The following LCN8 variants were observed in gnomAD, a reference collection of about 807,000 sequenced individuals.
LCN8 encodes the protein lipocalin 8, also known as epididymal-specific lipocalin-8.
In LCN8, 16 loss-of-function variants were observed where a neutral mutation model predicts 22.8. The ratio of observed to expected loss-of-function variants is 0.70; its 90% CI spans 0.47 to 1.06. The LOEUF is 1.06. LCN8 is among the 50% of genes least tolerant of loss of function. The pLI, the probability that LCN8 is intolerant of heterozygous loss-of-function variation, is 0.00. For missense variants in LCN8, 189 were observed against 203.3 expected (o/e 0.93, Z 0.43); for synonymous variants, 92 against 83.4 (o/e 1.10, Z -0.56).
At chr9:136,754,809 G>A in intron 6 of LCN8, 1 of 1,376,020 alleles carries the variant, frequency 7.3e-7, no homozygotes, top group Non-Finnish European at 9.4e-7. Context: ...GAAGCAGCCG[G>A]CAGTCCTGCA....
intron 2 of LCN8, 50 bp from the exon 3 acceptor site, chr9:136,756,642 C>A (rs753883359): frequency 6.2e-7 from 1 of 1,601,122 alleles, no homozygotes; most frequent in South Asian, 1.1e-5. Context: ...TGTGTCCCGC[C>A]TGCTGGGCTC....
Position 136,755,250 on chromosome 9 carries a change from G to T in LCN8, c.415C>A (p.Arg139=). The T allele has an allele frequency of 6.2e-7, 1 of 1,612,624 alleles. No individual in the cohort carries two copies. The highest frequency in any genetic ancestry group is 8.5e-7 in the Non-Finnish European group (1 of 1,179,930). Residue 139 remains arginine (R), a synonymous_variant, in exon 5 of 7, where the codon CGG becomes AGG. Transcript: ENST00000371688. ...TADTGLYLAA[R]PGRCAELLKE... ...CCAAGGCCCCTGGGCTCACCAGGCC[G>T]GGCCGCCAGGTAGAGACCAGTGTCT...
At chr9:136,756,191 G>T (rs1272795671) in intron 3 of LCN8, 8 of 1,312,104 alleles carry the variant, frequency 6.1e-6, no homozygotes, top group African/African-American at 1.6e-5. Flanking sequence ...GAACAGCATG[G>T]GGAACAGCGC....
chr9:136,754,834 A>T, intron 6 of LCN8: 1 of 1,346,492 alleles, frequency 7.4e-7, no homozygotes, highest in South Asian at 2.1e-5. Flanking sequence ...ACACCGAAGA[A>T]AAGGCGCCAT....
Position 136,758,179 on chromosome 9 carries a change from G to T in LCN8, c.-249C>A, listed in dbSNP as rs1847254983. 3.5e-6 allele frequency: 5 copies of T among 1,419,292 alleles called. No individual in the cohort carries two copies. The highest frequency in any genetic ancestry group is 3.7e-6 in the Non-Finnish European group (4 of 1,087,024). 87.9% of individuals were successfully genotyped at this position (1,419,292 alleles called of 1,614,324 possible). Reference sequence around the variant, plus strand: ...GGTGACACCCACGCCCACCGCAGGGGTTAGCCTGGCCTAGACAGCAGCCTG... The same window carrying T: ...GGTGACACCCACGCCCACCGCAGGGTTTAGCCTGGCCTAGACAGCAGCCTG... On this transcript the variant is annotated 5_prime_UTR_variant, in exon 1 of 7. Coordinates refer to ENST00000371688, the MANE Select transcript of LCN8 (RefSeq NM_178469.4).
intron 1 of LCN8, chr9:136,757,694 C>T (rs1421135542): frequency 5.1e-6 from 5 of 985,320 alleles, no homozygotes; most frequent in African/African-American, 1.7e-5. Context: ...AAAGAATCTT[C>T]GTCTCCGGCA....
chr9:136,754,600 C>T (rs1847139255), intron 6 of LCN8, 91 bp from the exon 7 acceptor site: 1 of 1,501,164 alleles, frequency 6.7e-7, no homozygotes, highest in African/African-American at 1.4e-5. Flanking sequence ...GACTTCTGTC[C>T]TCGCTGCCTG....
At chr9:136,756,941 C>G (rs1847221676) in intron 2 of LCN8, 97 bp downstream of exon 2, 2 of 1,421,524 alleles carry the variant, frequency 1.4e-6, no homozygotes, top group Non-Finnish European at 1.9e-6. Flanking sequence ...CGGGACGGCA[C>G]TCAGCCCAGA....
chr9:136,756,949 A>T, intron 2 of LCN8, 89 bp downstream of exon 2: 2 of 1,469,550 alleles, frequency 1.4e-6, no homozygotes, highest in Non-Finnish European at 1.9e-6. Context: ...CACTCAGCCC[A>T]GACCCCACGC....
In LCN8 at chr9:136,757,960, C is replaced by T. The variant is rs540565649; in HGVS notation, c.-30G>A. The T allele has an allele frequency of 9.3e-6, 15 of 1,612,540 alleles. No individual in the cohort carries two copies. The highest frequency in any genetic ancestry group is 8.3e-5 in the Admixed American group (5 of 60,002). The stretch of plus-strand genomic sequence containing the variant: ...GCTGCCACCTGCGCCCGGAGCACCA[C>T]GAGGACACCCAGGATGGTGCACGGC... On this transcript the variant is annotated 5_prime_UTR_variant, in exon 1 of 7. In the 5' UTR this introduces an upstream ATG that the reference lacks. Coordinates refer to ENST00000371688, the MANE Select transcript of LCN8 (RefSeq NM_178469.4).
At chr9:136,757,528 C>T (rs1847237442) in intron 1 of LCN8, 3 of 1,359,902 alleles carry the variant, frequency 2.2e-6, no homozygotes, top group African/African-American at 1.5e-5. Flanking sequence ...GCCCGCAGGG[C>T]GCGGCGGAGT....
At chr9:136,758,473 G>T, upstream of LCN8, 1 of 991,900 alleles carries the variant, frequency 1.0e-6, no homozygotes, top group Non-Finnish European at 1.2e-6. Flanking sequence ...CAGAGCTCCG[G>T]AGGCCGGAGG....
intron 1 of LCN8, chr9:136,757,429 C>T (rs1175068950): frequency 7.1e-7 from 1 of 1,403,656 alleles, no homozygotes; most frequent in Admixed American, 3.0e-5. Context: ...GCGGAACAGT[C>T]CCTAGGGCTT....
At chr9:136,757,405 G>C in intron 1 of LCN8, 1 of 1,417,920 alleles carries the variant, frequency 7.1e-7, no homozygotes, top group Non-Finnish European at 9.2e-7. Context: ...CTCCCCACTG[G>C]GCCATCTAGA....
chr9:136,758,101 T>G lies in LCN8; in HGVS notation c.-171A>C. On this transcript the variant is annotated 5_prime_UTR_variant, in exon 1 of 7. Transcript: ENST00000371688. The stretch of plus-strand genomic sequence containing the variant: ...CACCCGGGAATGTCATCAGGACAGC[T>G]TGGCTGCTGGCAGCTCAGAGACGTG... 1 of 1,467,180 alleles carries G rather than the reference T, an allele frequency of 6.8e-7. No individual in the cohort carries two copies. Among genetic ancestry groups the G allele is most frequent in the Non-Finnish European group, 9.0e-7 (1 of 1,108,104 alleles). The allele number at this position is 1,467,180 out of a possible 1,614,324, so 90.9% of individuals were successfully genotyped here. A position where few individuals can be genotyped will look rare whatever the true frequency, so the allele number is the denominator to read the frequency against.
upstream of LCN8, chr9:136,758,418 C>T: frequency 1.0e-6 from 1 of 997,170 alleles, no homozygotes; most frequent in Non-Finnish European, 1.2e-6. Context: ...CCTGTGCCAC[C>T]CCACGCCTGG....
At chr9:136,757,867 G>C (rs766996388) in intron 1 of LCN8, 40 bp downstream of exon 1, 1 of 1,613,494 alleles carries the variant, frequency 6.2e-7, no homozygotes, top group Admixed American at 1.7e-5. Flanking sequence ...AGGGGTTGGG[G>C]GTGTAGGAGG....
In LCN8 at chr9:136,755,406, G is replaced by A; in HGVS notation, c.331+6C>T. 1.2e-6 allele frequency: 2 copies of A among 1,611,482 alleles called. No homozygotes were observed. Among genetic ancestry groups the A allele is most frequent in the East Asian group, 2.2e-5 (1 of 44,884 alleles). On this transcript the variant is annotated splice_donor_region_variant and intron_variant, in intron 4 of 6. Transcript: ENST00000371688. ...GCTGGGCAGAGCCCCCCAGGGCCAA[G>A]CTTACTAAAGTACTTGAGGACGCGA...
At position 136,755,444 on chromosome 9, in the gene LCN8, C is replaced by T. The variant is rs368173889; in HGVS notation, c.299G>A (p.Arg100Gln). The change falls in exon 4 of 7, where the codon CGG becomes CAG. Residue 100 changes from arginine (R) to glutamine (Q), a missense_variant. Transcript: ENST00000371688. ...YAILRVSLMW[R>Q]GRNFRVLKYF... ...CTTGAGGACGCGAAAGTTCCTGCCCCGCCACATCAGGGACACCCGCAGGAT... is the reference window on the plus strand; with the variant it reads ...CTTGAGGACGCGAAAGTTCCTGCCCTGCCACATCAGGGACACCCGCAGGAT... The T allele has an allele frequency of 5.0e-6, 8 of 1,613,104 alleles. No individual in the cohort carries two copies. The highest frequency in any genetic ancestry group is 4.0e-5 in the African/African-American group (3 of 74,956).
Sources: allele counts gnomAD v4.1 joint callset, GRCh38; gene constraint gnomAD v4.1.1; transcripts MANE v1.5; gene names NCBI Gene and HGNC (gene_info 2026-07-23, HGNC 2026-07-21).